The following PHF20L1 variants were observed in gnomAD, a reference collection of about 807,000 sequenced individuals.
PHF20L1 encodes PHD finger protein 20 like 1, also known as PHD finger protein 20-like protein 1.
PHF20L1 carries 44 observed loss-of-function variants against 125.5 expected under a neutral mutation model. That is an observed-to-expected ratio of 0.35 (90% CI 0.28 to 0.45). PHF20L1 has a LOEUF of 0.45. PHF20L1 is among the 20% of genes least tolerant of loss of function. PHF20L1 has a pLI of 1.00. For missense variants in PHF20L1, 1,012 were observed against 1,217.2 expected (o/e 0.83, Z 2.51); for synonymous variants, 380 against 403.1 (o/e 0.94, Z 0.69).
intron 10 of PHF20L1, chr8:132,815,651 C>T (rs545644737): frequency 2.0e-5 from 3 of 151,936 alleles, no homozygotes; most frequent in African/African-American, 7.2e-5. Flanking sequence ...GACATGTTTC[C>T]TTATTCCATA....
chr8:132,803,634 CA>C (rs1833350373), intron 6 of PHF20L1, 184 bp from the exon 7 acceptor site: 2 of 550,848 alleles, frequency 3.6e-6, no homozygotes, highest in African/African-American at 1.9e-5. Context: ...CAATCTAACT[CA>C]TTTGATTATT....
intron 15 of PHF20L1, among the ~76,000 whole-genome samples, chr8:132,832,755 G>A (rs767595634): frequency 7.9e-4 from 120 of 152,062 alleles, no homozygotes; most frequent in Middle Eastern, 3.2e-3. Context: ...CTTAGCTAGT[G>A]TTAGAATTAA....
chr8:132,798,292 T>G (rs773294444), intron 4 of PHF20L1, among the ~76,000 whole-genome samples: 24 of 151,996 alleles, frequency 1.6e-4, no homozygotes, highest in Non-Finnish European at 1.5e-4. Flanking sequence ...GAACTACAAT[T>G]CTTATTTTCC....
intron 6 of PHF20L1, 59 bp downstream of exon 6, chr8:132,799,231 G>A: frequency 1.0e-6 from 1 of 955,902 alleles, no homozygotes; most frequent in Non-Finnish European, 1.6e-6. Flanking sequence ...ATGTCATTTA[G>A]AAAGTTAAAA....
chr8:132,829,085 G>T (rs6996822), intron 14 of PHF20L1, among the ~76,000 whole-genome samples: 1 of 152,020 alleles, frequency 6.6e-6, no homozygotes, highest in Non-Finnish European at 1.5e-5. Flanking sequence ...ATTCATAATA[G>T]CCAGAGGGAA....
intron 12 of PHF20L1, among the ~76,000 whole-genome samples, chr8:132,822,011 T>A (rs528660387): frequency 5.6e-4 from 85 of 152,138 alleles, no homozygotes; most frequent in Non-Finnish European, 1.1e-3. Context: ...TGGTCTCTTT[T>A]GTTTTCCTAT....
intron 12 of PHF20L1, among the ~76,000 whole-genome samples, chr8:132,819,565 C>T (rs1483280900): frequency 3.5e-5 from 5 of 141,434 alleles, no homozygotes; most frequent in Non-Finnish European, 7.8e-5. Flanking sequence ...ATGCTTTTCT[C>T]CTTAACCTTT....
intron 2 of PHF20L1, among the ~76,000 whole-genome samples, chr8:132,779,726 C>G (rs1830215220): frequency 6.6e-6 from 1 of 152,058 alleles, no homozygotes; most frequent in Non-Finnish European, 1.5e-5. Context: ...AACTTAGGAG[C>G]TGTTAAATTT....
At chr8:132,837,647 A>G in intron 16 of PHF20L1, 65 bp from the exon 17 acceptor site, 1 of 1,265,328 alleles carries the variant, frequency 7.9e-7, no homozygotes, top group Non-Finnish European at 1.2e-6. Flanking sequence ...AAGGGCATGT[A>G]TCCTTATTCC....
chr8:132,803,761 G>A (rs1280717121), intron 6 of PHF20L1, 58 bp from the exon 7 acceptor site: 2 of 883,406 alleles, frequency 2.3e-6, no homozygotes, highest in Admixed American at 4.7e-5. Context: ...TTTTATTAGT[G>A]TAATTACATT....
At chr8:132,816,563 G>C in intron 10 of PHF20L1, 1 of 209,204 alleles carries the variant, frequency 4.8e-6, no homozygotes, top group Non-Finnish European at 9.6e-6. Context: ...TTTTCCCGAA[G>C]GAAAAATGGC....
At chr8:132,807,206 A>G (rs566179869) in intron 8 of PHF20L1, 2 of 158,336 alleles carry the variant, frequency 1.3e-5, no homozygotes, top group African/African-American at 4.8e-5. Context: ...TGTGCAATAT[A>G]TATATACACA....
chr8:132,834,809 A>G (rs1323585105), intron 15 of PHF20L1, among the ~76,000 whole-genome samples: 3 of 151,944 alleles, frequency 2.0e-5, no homozygotes, highest in African/African-American at 4.8e-5. Flanking sequence ...TAGATTTTCC[A>G]TATCTAGTTG....
chr8:132,843,571 A>G, intron 19 of PHF20L1: 2 of 984,666 alleles, frequency 2.0e-6, no homozygotes, highest in Non-Finnish European at 2.4e-6. Context: ...TCCCATGTGC[A>G]AAATGAGTTA....
intron 2 of PHF20L1, among the ~76,000 whole-genome samples, chr8:132,782,259 T>TAATTA (rs1295460690): frequency 6.6e-6 from 1 of 152,124 alleles, no homozygotes; most frequent in Admixed American, 6.5e-5. Flanking sequence ...TTCAGACTGT[T>TAATTA]ACTTATTAAT....
intron 9 of PHF20L1, 65 bp downstream of exon 9, chr8:132,811,193 T>G: frequency 1.2e-6 from 2 of 1,601,490 alleles, no homozygotes; most frequent in Non-Finnish European, 1.7e-6. Flanking sequence ...AGCTCTAGTA[T>G]CTACGTAATT....
chr8:132,811,470 T>A, intron 9 of PHF20L1: 1 of 1,001,406 alleles, frequency 1.0e-6, no homozygotes, highest in Non-Finnish European at 1.2e-6. Flanking sequence ...AACAGGGTTT[T>A]TTGACATCGA....
At chr8:132,797,068 T>C (rs1395683739) in intron 4 of PHF20L1, among the ~76,000 whole-genome samples, 1 of 152,028 alleles carries the variant, frequency 6.6e-6, no homozygotes, top group Admixed American at 6.6e-5. Context: ...AAATTCAGCT[T>C]ACCTTAGTGG....
chr8:132,803,746 CAT>C (rs1462858613), intron 6 of PHF20L1, 71 bp from the exon 7 acceptor site: 15 of 770,228 alleles, frequency 1.9e-5, no homozygotes, highest in African/African-American at 8.8e-5. Flanking sequence ...AAATGTGACA[CAT>C]ATTTTTATTA....
Sources: gnomAD v4.1 joint callset for allele counts (sites outside exome capture counted in the v4.1 genomes callset) on GRCh38, gnomAD v4.1.1 for gene constraint, MANE v1.5 for transcripts, NCBI Gene and HGNC (gene_info 2026-07-23, HGNC 2026-07-21) for gene names.